WIPF3: variants seen among roughly 807,000 people sequenced by gnomAD.
WIPF3 encodes the protein WAS/WASL interacting protein family member 3.
Under a neutral mutation model 38.9 loss-of-function variants are expected in WIPF3, and 33 were observed. The ratio of observed to expected loss-of-function variants is 0.85; its 90% CI spans 0.64 to 1.14. WIPF3 has a LOEUF of 1.14. WIPF3 is among the 50% of genes most tolerant of loss of function. WIPF3 has a pLI of 0.00. For synonymous variants in WIPF3, 324 were observed against 269.3 expected (o/e 1.20, Z -1.99); for missense variants, 711 against 652.5 (o/e 1.09, Z -0.98).
intron 5 of WIPF3, 73 bp downstream of exon 5, chr7:29,884,666 G>C (rs1384136149): frequency 6.7e-7 from 1 of 1,488,872 alleles, no homozygotes; most frequent in Non-Finnish European, 8.9e-7. Flanking sequence ...GGACTTTATT[G>C]TTGGAGGTAT....
chr7:29,831,535 TA>T (rs1327891223), intron 1 of WIPF3, among the ~76,000 whole-genome samples: 2 of 152,270 alleles, frequency 1.3e-5, no homozygotes, highest in Non-Finnish European at 2.9e-5. Flanking sequence ...TAAACATAAC[TA>T]TAGTGAATAA....
chr7:29,810,983 C>T (rs1440124967), intron 1 of WIPF3, among the ~76,000 whole-genome samples: 2 of 152,130 alleles, frequency 1.3e-5, no homozygotes, highest in African/African-American at 4.8e-5. Flanking sequence ...CCAACTCCCA[C>T]ACTCAAGTGA....
At chr7:29,855,734 T>C (rs1785178486) in intron 2 of WIPF3, among the ~76,000 whole-genome samples, 1 of 152,192 alleles carries the variant, frequency 6.6e-6, no homozygotes, top group South Asian at 2.1e-4. Flanking sequence ...AAGAAGTGAA[T>C]GTTAACTCAC....
chr7:29,862,903 A>G (rs926894389), intron 2 of WIPF3, among the ~76,000 whole-genome samples: 4 of 152,150 alleles, frequency 2.6e-5, no homozygotes, highest in Admixed American at 2.0e-4. Flanking sequence ...TTTAAATAAT[A>G]CACTGAAGCC....
chr7:29,868,535 T>TACAC (rs1554345939), intron 2 of WIPF3, among the ~76,000 whole-genome samples: 1 of 150,928 alleles, frequency 6.6e-6, no homozygotes, highest in Non-Finnish European at 1.5e-5. Flanking sequence ...TATATATATA[T>TACAC]ACACACACAT....
chr7:29,841,263 G>A (rs1486049129), intron 2 of WIPF3, among the ~76,000 whole-genome samples: 1 of 152,170 alleles, frequency 6.6e-6, no homozygotes, highest in East Asian at 1.9e-4. Context: ...TAGGTTAGGG[G>A]GAAATTAGGC....
At chr7:29,817,270 T>C (rs1345001354) in intron 1 of WIPF3, among the ~76,000 whole-genome samples, 1 of 152,196 alleles carries the variant, frequency 6.6e-6, no homozygotes, top group Non-Finnish European at 1.5e-5. Context: ...TTTACTGTAA[T>C]TTCCCCCAGT....
At chr7:29,838,210 G>A (rs1441484223) in intron 2 of WIPF3, among the ~76,000 whole-genome samples, 5 of 152,116 alleles carry the variant, frequency 3.3e-5, no homozygotes, top group African/African-American at 7.2e-5. Flanking sequence ...GAGCCACTGC[G>A]CCCAGCCTAG....
rs1440795980 is a variant in WIPF3 at position 29,911,759 on chromosome 7, AAT to A, written c.1429-2731_1429-2730del. ...AGAAGAATGAAGTTGGACCCCTTCTAATATCATGTACAAAAATTAACTCAAAA... is the reference window on the plus strand; with the variant it reads ...AGAAGAATGAAGTTGGACCCCTTCTAATCATGTACAAAAATTAACTCAAAA... On this transcript the variant is annotated intron_variant, in intron 8 of 8. Transcript: ENST00000242140. 2.0e-5 allele frequency among the ~76,000 whole-genome samples: 3 copies of A among 152,164 alleles called. No homozygotes were observed. The East Asian group carries it at 5.8e-4, about 29-fold the overall frequency.
Position 29,884,168 on chromosome 7 carries a change from C to A in WIPF3, c.674C>A (p.Pro225His). ...CCCCCCGTCCCCTGTGCGCCACCAC[C>A]TCCACCTCCGCCACCTCCCCCAACG... Reference protein sequence around the residue: ...VAPPVPCAPPPPPPPPPPTPP... With the variant: ...VAPPVPCAPPHPPPPPPPTPP... The change falls in exon 5 of 9, where the codon CCT (proline) becomes CAT (histidine). Residue 225 changes from proline to histidine, a missense_variant. Pro to His is a moderately conservative substitution (Grantham distance 77). Coordinates refer to ENST00000242140, the MANE Select transcript of WIPF3 (RefSeq NM_001080529.3). The A allele has an allele frequency of 6.5e-7, 1 of 1,530,766 alleles. No individual in the cohort carries two copies. Among genetic ancestry groups the A allele is most frequent in the Non-Finnish European group, 8.8e-7 (1 of 1,135,292 alleles). 94.8% of individuals were successfully genotyped at this position (1,530,766 alleles called of 1,614,324 possible).
chr7:29,873,235 A>T (rs1256918173), intron 2 of WIPF3, among the ~76,000 whole-genome samples: 1 of 152,158 alleles, frequency 6.6e-6, no homozygotes. Flanking sequence ...TTTTCTCATC[A>T]TTCCAGTTGC....
intron 7 of WIPF3, among the ~76,000 whole-genome samples, chr7:29,903,025 G>C (rs958335909): frequency 5.3e-5 from 8 of 152,158 alleles, no homozygotes; most frequent in African/African-American, 1.9e-4. Flanking sequence ...GGGTGCAGTA[G>C]CTCATGCCTG....
At chr7:29,886,536 T>C (rs529590503) in intron 5 of WIPF3, among the ~76,000 whole-genome samples, 56 of 152,048 alleles carry the variant, frequency 3.7e-4, no homozygotes, top group Non-Finnish European at 3.7e-4. Context: ...TTTGTATTTT[T>C]AGTAGAGACA....
chr7:29,876,352 C>T (rs1785597364), intron 3 of WIPF3, among the ~76,000 whole-genome samples: 1 of 152,110 alleles, frequency 6.6e-6, no homozygotes, highest in African/African-American at 2.4e-5. Context: ...TTTACATCAC[C>T]CCTAAAGGAA....
At chr7:29,864,476 G>A (rs1005231754) in intron 2 of WIPF3, among the ~76,000 whole-genome samples, 1 of 152,090 alleles carries the variant, frequency 6.6e-6, no homozygotes, top group Non-Finnish European at 1.5e-5. Context: ...CGTATTAAGT[G>A]TTTCCTGCTT....
intron 2 of WIPF3, among the ~76,000 whole-genome samples, chr7:29,870,540 G>A (rs566660634): frequency 2.0e-5 from 3 of 152,288 alleles, no homozygotes; most frequent in East Asian, 3.9e-4. Context: ...AAGCAAAGAT[G>A]TGACAGCTGC....
chr7:29,849,078 C>T (rs1785049126), intron 2 of WIPF3, among the ~76,000 whole-genome samples: 1 of 152,042 alleles, frequency 6.6e-6, no homozygotes, highest in Non-Finnish European at 1.5e-5. Flanking sequence ...AAGTCATCTG[C>T]TTGAAATTCT....
intron 1 of WIPF3, among the ~76,000 whole-genome samples, chr7:29,807,307 C>T (rs546172632): frequency 3.9e-5 from 6 of 152,200 alleles, no homozygotes; most frequent in Non-Finnish European, 7.4e-5. Context: ...CATCTCCAAG[C>T]CCCTGGGGTC....
chr7:29,869,468 T>A (rs1169770962), intron 2 of WIPF3, among the ~76,000 whole-genome samples: 3 of 152,270 alleles, frequency 2.0e-5, no homozygotes, highest in African/African-American at 7.2e-5. Flanking sequence ...TCCAGAAGTT[T>A]CTGTGAACTA....
Sources: gnomAD v4.1 joint callset for allele counts (sites outside exome capture counted in the v4.1 genomes callset) on GRCh38, gnomAD v4.1.1 for gene constraint, MANE v1.5 for transcripts, NCBI Gene and HGNC (gene_info 2026-07-23, HGNC 2026-07-21) for gene names.